The following HCN1 variants were observed in gnomAD, a reference collection of about 807,000 sequenced individuals.
HCN1 encodes potassium/sodium hyperpolarization-activated cyclic nucleotide-gated channel 1.
A neutral mutation model predicts 78.9 loss-of-function variants in HCN1; 13 were observed. That is an observed-to-expected ratio of 0.16 (90% CI 0.11 to 0.26). The LOEUF (loss-of-function observed/expected upper bound fraction) is 0.26, where lower values mean the gene tolerates loss of function less well. Ranked by LOEUF, HCN1 falls within the 10% of genes least tolerant of loss-of-function variation. The probability of loss-of-function intolerance (pLI) is 1.00; values close to 1 mark genes in which losing one functional copy is unlikely to be tolerated. For missense variants in HCN1, 810 were observed against 1,154.3 expected (o/e 0.70, Z 4.32); for synonymous variants, 552 against 455.5 (o/e 1.21, Z -2.70).
chr5:45,530,447 T>A (rs1579952335), intron 2 of HCN1, among the ~76,000 whole-genome samples: 3 of 150,460 alleles, frequency 2.0e-5, no homozygotes, highest in South Asian at 2.1e-4. Context: ...GTTTTTTTTT[T>A]TAAAATAAAG....
chr5:45,485,294 A>T (rs984822412), intron 2 of HCN1, among the ~76,000 whole-genome samples: 1 of 152,226 alleles, frequency 6.6e-6, no homozygotes, highest in Non-Finnish European at 1.5e-5. Context: ...CTACTAAGGC[A>T]TATGACTATC....
At chr5:45,434,294 C>T (rs989168014) in intron 3 of HCN1, among the ~76,000 whole-genome samples, 9 of 152,126 alleles carry the variant, frequency 5.9e-5, no homozygotes, top group African/African-American at 2.2e-4. Flanking sequence ...TGGTAATACC[C>T]TTGGAGACAC....
intron 4 of HCN1, among the ~76,000 whole-genome samples, chr5:45,365,736 T>C (rs1747222253): frequency 6.6e-6 from 1 of 151,926 alleles, no homozygotes; most frequent in Non-Finnish European, 1.5e-5. Flanking sequence ...GAACGGTAGT[T>C]CTATTTTTAG....
intron 6 of HCN1, among the ~76,000 whole-genome samples, chr5:45,271,568 A>G (rs1744961996): frequency 6.6e-6 from 1 of 152,094 alleles, no homozygotes; most frequent in African/African-American, 2.4e-5. Flanking sequence ...AAACTCAATT[A>G]TGTCTCTAGA....
chr5:45,686,878 G>T lies in HCN1; in HGVS notation c.425+8791C>A, dbSNP rs563911678. Among the ~76,000 whole-genome samples, 145 of 152,168 alleles carry T rather than the reference G, an allele frequency of 9.5e-4. No homozygotes were observed. The Middle Eastern group carries it at 0.014, about 14-fold the overall frequency. ...TTTTGGAGTACTCCTGGGACTTCAG[G>T]TTTCTCTGTGTTAGAGCCCATTTCC... On this transcript the variant is annotated intron_variant, in intron 1 of 7. Coordinates refer to ENST00000303230, the MANE Select transcript of HCN1 (RefSeq NM_021072.4).
chr5:45,445,981 C>T (rs973640119), intron 3 of HCN1, among the ~76,000 whole-genome samples: 1 of 152,182 alleles, frequency 6.6e-6, no homozygotes, highest in African/African-American at 2.4e-5. Context: ...AGCAGAGCAT[C>T]TCTCCTCCTC....
chr5:45,499,556 G>T (rs938331533), intron 2 of HCN1, among the ~76,000 whole-genome samples: 1 of 152,158 alleles, frequency 6.6e-6, no homozygotes, highest in Non-Finnish European at 1.5e-5. Flanking sequence ...CTTCTGCGTC[G>T]CTTACGCTGG....
chr5:45,463,038 T>C (rs1741196742), intron 2 of HCN1, among the ~76,000 whole-genome samples: 1 of 152,010 alleles, frequency 6.6e-6, no homozygotes, highest in Non-Finnish European at 1.5e-5. Context: ...GAGTAAGTAC[T>C]TATAAACACA....
At chr5:45,349,740 A>G (rs1421358030) in intron 5 of HCN1, among the ~76,000 whole-genome samples, 1 of 152,178 alleles carries the variant, frequency 6.6e-6, no homozygotes, top group East Asian at 1.9e-4. Context: ...AGAATACTAC[A>G]AACACCTCTA....
chr5:45,668,198 T>C (rs1457162116), intron 1 of HCN1, among the ~76,000 whole-genome samples: 1 of 151,920 alleles, frequency 6.6e-6, no homozygotes, highest in Non-Finnish European at 1.5e-5. Flanking sequence ...ATTATCAAAA[T>C]AGATAGCTAC....
intron 4 of HCN1, among the ~76,000 whole-genome samples, chr5:45,372,135 A>G (rs1472523805): frequency 5.5e-5 from 3 of 54,830 alleles, no homozygotes; most frequent in Non-Finnish European, 8.2e-5. Context: ...TATATATAAT[A>G]TAATAATATA....
intron 2 of HCN1, among the ~76,000 whole-genome samples, chr5:45,539,584 G>A (rs568477844): frequency 1.7e-3 from 263 of 150,940 alleles, no homozygotes; most frequent in African/African-American, 5.7e-3. Context: ...AGAATGGCGT[G>A]AACCCGGGAG....
chr5:45,581,319 G>A (rs934066866), intron 2 of HCN1, among the ~76,000 whole-genome samples: 4 of 150,364 alleles, frequency 2.7e-5, no homozygotes, highest in African/African-American at 9.7e-5. Flanking sequence ...TGTGTCTTTC[G>A]GCTGAGAAGT....
At chr5:45,460,798 T>C (rs552250495) in intron 3 of HCN1, among the ~76,000 whole-genome samples, 50 of 144,924 alleles carry the variant, frequency 3.5e-4, no homozygotes, top group Middle Eastern at 7.8e-3. Flanking sequence ...GTAAATCGCC[T>C]TTTTTTTTTC....
At chr5:45,625,483 T>C (rs1349648565) in intron 2 of HCN1, among the ~76,000 whole-genome samples, 1 of 152,028 alleles carries the variant, frequency 6.6e-6, no homozygotes, top group Non-Finnish European at 1.5e-5. Context: ...CAACTGTGCC[T>C]AGTACCTTCA....
In HCN1 at chr5:45,474,838, T is replaced by C. The variant is rs112165461; in HGVS notation, c.850-12831A>G. 1.4e-4 allele frequency among the ~76,000 whole-genome samples: 22 copies of C among 152,056 alleles called. 1 individual carries two copies. Among genetic ancestry groups the C allele is most frequent in the African/African-American group, 4.8e-4 (20 of 41,540 alleles). On this transcript the variant is annotated intron_variant, in intron 2 of 7. Coordinates refer to ENST00000303230, the MANE Select transcript of HCN1 (RefSeq NM_021072.4). ...AATGTCTTGGTATCTCAAGGACTTT[T>C]AGCACATGTTATTTAGAACGAGAAT...
intron 3 of HCN1, among the ~76,000 whole-genome samples, chr5:45,452,412 A>T (rs1390106468): frequency 6.9e-6 from 1 of 144,208 alleles, no homozygotes; most frequent in Non-Finnish European, 1.5e-5. Context: ...TGATATAGAG[A>T]TTTTTTTTTT....
At chr5:45,622,315 A>G (rs963157971) in intron 2 of HCN1, among the ~76,000 whole-genome samples, 1 of 152,166 alleles carries the variant, frequency 6.6e-6, no homozygotes, top group African/African-American at 2.4e-5. Flanking sequence ...GTTTTAAAAA[A>G]GATTTTTCTG....
At chr5:45,308,451 T>C (rs1486112149) in intron 5 of HCN1, among the ~76,000 whole-genome samples, 1 of 152,136 alleles carries the variant, frequency 6.6e-6, no homozygotes, top group Admixed American at 6.6e-5. Flanking sequence ...ATGTAAAGCA[T>C]ATTTTCTTTA....
Sources: gnomAD v4.1 joint callset for allele counts (sites outside exome capture counted in the v4.1 genomes callset) on GRCh38, gnomAD v4.1.1 for gene constraint, MANE v1.5 for transcripts, NCBI Gene and HGNC (gene_info 2026-07-23, HGNC 2026-07-21) for gene names.